The following FGF14 variants were observed in gnomAD, a reference collection of about 807,000 sequenced individuals.
FGF14 encodes fibroblast growth factor homologous factor 4.
FGF14 carries 5 observed loss-of-function variants against 25.5 expected under a neutral mutation model. The observed-to-expected ratio is 0.20, with a 90% CI of 0.10 to 0.41. The LOEUF (loss-of-function observed/expected upper bound fraction) is 0.41. Among genes scored for constraint, FGF14 ranks in the 10% least tolerant of loss-of-function variants. FGF14 has a pLI of 1.00. For missense variants in FGF14, 222 were observed against 320.1 expected (o/e 0.69, Z 2.34); for synonymous variants, 138 against 118.3 (o/e 1.17, Z -1.08).
intron 3 of FGF14, among the ~76,000 whole-genome samples, chr13:101,836,763 T>C (rs1766380569): frequency 6.6e-6 from 1 of 152,100 alleles, no homozygotes; most frequent in Non-Finnish European, 1.5e-5. Context: ...TTTATTGTCC[T>C]ATTGCATTAA....
intron 1 of FGF14, among the ~76,000 whole-genome samples, chr13:102,275,234 T>TCTCTCTCTCTCTC (rs2053454109): frequency 1.5e-5 from 1 of 67,442 alleles, no homozygotes; most frequent in Non-Finnish European, 3.0e-5. Flanking sequence ...TTAGGCAGAT[T>TCTCTCTCTCTCTC]TCTCTCTCTC....
chr13:102,291,103 T>C (rs2054370346), intron 1 of FGF14, among the ~76,000 whole-genome samples: 1 of 152,254 alleles, frequency 6.6e-6, no homozygotes, highest in Non-Finnish European at 1.5e-5. Flanking sequence ...TGTTTTCTTG[T>C]GCATGACTCT....
At chr13:102,259,977 T>C (rs575006003) in intron 1 of FGF14, among the ~76,000 whole-genome samples, 6 of 152,202 alleles carry the variant, frequency 3.9e-5, no homozygotes, top group African/African-American at 1.4e-4. Context: ...GTTTCCCACG[T>C]TCCCGACACC....
intron 1 of FGF14, among the ~76,000 whole-genome samples, chr13:102,207,979 GA>G (rs573048044): frequency 6.6e-6 from 1 of 151,988 alleles, no homozygotes; most frequent in Admixed American, 6.6e-5. Flanking sequence ...ATTTACAGAG[GA>G]AAAAAATGTG....
At chr13:102,359,385 T>C (rs2057504814) in intron 1 of FGF14, among the ~76,000 whole-genome samples, 1 of 152,198 alleles carries the variant, frequency 6.6e-6, no homozygotes, top group East Asian at 1.9e-4. Context: ...TAAACTATTG[T>C]TGCACCTTAA....
intron 1 of FGF14, chr13:102,263,221 C>T: frequency 2.0e-6 from 1 of 499,146 alleles, no homozygotes; most frequent in South Asian, 1.8e-5. Context: ...GAAGCGCAGT[C>T]AAGCACACAC....
intron 1 of FGF14, among the ~76,000 whole-genome samples, chr13:102,188,504 C>G (rs201581602): frequency 2.0e-5 from 3 of 152,290 alleles, no homozygotes; most frequent in Admixed American, 1.3e-4. Context: ...AAGTACCTAA[C>G]ACATTCTTTC....
At chr13:101,978,298 T>C (rs1249498104) in intron 1 of FGF14, among the ~76,000 whole-genome samples, 1 of 152,230 alleles carries the variant, frequency 6.6e-6, no homozygotes, top group Non-Finnish European at 1.5e-5. Flanking sequence ...AATGGTGATA[T>C]TTGATGTGGC....
chr13:102,348,830 GACC>G, intron 1 of FGF14, among the ~76,000 whole-genome samples: 1 of 152,250 alleles, frequency 6.6e-6, no homozygotes, highest in African/African-American at 2.4e-5. Context: ...TCAGACACGG[GACC>G]ACTTTTCTTT....
intron 1 of FGF14, among the ~76,000 whole-genome samples, chr13:101,896,288 C>T (rs2030656877): frequency 6.6e-6 from 1 of 152,126 alleles, no homozygotes. Context: ...CCACCAAGGA[C>T]AGTTTCAGAT....
chr13:102,167,088 G>T (rs1293767695), intron 1 of FGF14, among the ~76,000 whole-genome samples: 2 of 151,990 alleles, frequency 1.3e-5, no homozygotes, highest in Non-Finnish European at 2.9e-5. Context: ...ATCACCTGAG[G>T]TCAGGAGTTC....
At chr13:102,268,584 A>G (rs2053105032) in intron 1 of FGF14, among the ~76,000 whole-genome samples, 1 of 152,126 alleles carries the variant, frequency 6.6e-6, no homozygotes, top group Admixed American at 6.6e-5. Context: ...AAAGGAAACT[A>G]GGGATGATGG....
At chr13:102,151,498 TTTTG>T (rs1222818926) in intron 1 of FGF14, among the ~76,000 whole-genome samples, 11 of 152,224 alleles carry the variant, frequency 7.2e-5, no homozygotes, top group South Asian at 6.2e-4. Context: ...TTCAGTTCCT[TTTTG>T]TTTGTTTGTT....
At chr13:102,112,833 A>C (rs1294938900) in intron 1 of FGF14, among the ~76,000 whole-genome samples, 1 of 152,334 alleles carries the variant, frequency 6.6e-6, no homozygotes, top group East Asian at 1.9e-4. Context: ...ACAGATGAGA[A>C]TATAGTTTCA....
At chr13:102,234,087 TTGCAAGA>T (rs1334263342) in intron 1 of FGF14, among the ~76,000 whole-genome samples, 1 of 152,116 alleles carries the variant, frequency 6.6e-6, no homozygotes, top group Non-Finnish European at 1.5e-5. Flanking sequence ...AGTTTGGGTT[TTGCAAGA>T]TGGAAAGAGC....
intron 1 of FGF14, among the ~76,000 whole-genome samples, chr13:102,130,653 G>A (rs1209243354): frequency 1.3e-5 from 2 of 152,050 alleles, no homozygotes; most frequent in African/African-American, 4.8e-5. Context: ...CCTATCACAG[G>A]TAGAAAATAA....
intron 3 of FGF14, among the ~76,000 whole-genome samples, chr13:101,766,260 G>A (rs944690477): frequency 6.6e-6 from 1 of 152,150 alleles, no homozygotes; most frequent in Non-Finnish European, 1.5e-5. Context: ...GCACGTGTGT[G>A]TTTCCTCATG....
chr13:102,051,018 C>T (rs2042193781), intron 1 of FGF14, among the ~76,000 whole-genome samples: 1 of 152,166 alleles, frequency 6.6e-6, no homozygotes, highest in Non-Finnish European at 1.5e-5. Context: ...AAATTAGCTA[C>T]CACGTCTCCC....
intron 1 of FGF14, among the ~76,000 whole-genome samples, chr13:102,308,849 G>C (rs150829164): frequency 6.6e-6 from 1 of 150,798 alleles, no homozygotes; most frequent in African/African-American, 2.4e-5. Context: ...GTGTTATTGG[G>C]GGCAGAAGAT....
Sources: allele counts gnomAD v4.1 joint callset (sites outside exome capture counted in the v4.1 genomes callset), GRCh38; gene constraint gnomAD v4.1.1; transcripts MANE v1.5; gene names NCBI Gene and HGNC (gene_info 2026-07-23, HGNC 2026-07-21).